Variants in KHDRBS2 observed in about 807,000 individuals in gnomAD.
KHDRBS2 encodes KH RNA binding domain containing, signal transduction associated 2, also known as KH domain-containing, RNA-binding, signal transduction-associated protein 2.
A neutral mutation model predicts 44.3 loss-of-function variants in KHDRBS2; 26 were observed. The observed-to-expected ratio is 0.59, with a 90% CI of 0.43 to 0.81. The LOEUF (loss-of-function observed/expected upper bound fraction) is 0.81. KHDRBS2 is among the 40% of genes least tolerant of loss of function. KHDRBS2 has a pLI of 0.00. For missense variants in KHDRBS2, 476 were observed against 433.1 expected, an observed-to-expected ratio of 1.10 and a Z score of -0.88; for synonymous variants, 194 against 151.1, an observed-to-expected ratio of 1.28 and a Z score of -2.08.
intron 2 of KHDRBS2, among the ~76,000 whole-genome samples, chr6:62,134,693 T>A (rs2150092814): frequency 6.6e-6 from 1 of 152,248 alleles, no homozygotes. Context: ...GAGGCAGAGC[T>A]TCCCACGACC....
intron 1 of KHDRBS2, among the ~76,000 whole-genome samples, chr6:62,203,084 T>C (rs944655763): frequency 2.0e-5 from 3 of 152,012 alleles, no homozygotes; most frequent in Admixed American, 2.0e-4. Context: ...GAAGGACCAG[T>C]GAAGTGAATC....
chr6:61,939,305 T>C (rs1358481191), intron 4 of KHDRBS2, among the ~76,000 whole-genome samples: 2 of 152,238 alleles, frequency 1.3e-5, no homozygotes, highest in African/African-American at 2.4e-5. Flanking sequence ...CAATCCACTG[T>C]AACCTGCTCT....
chr6:61,649,276 C>T, the KHDRBS2 span, among the ~76,000 whole-genome samples: 1 of 152,224 alleles, frequency 6.6e-6, no homozygotes, highest in East Asian at 1.9e-4. Flanking sequence ...TGGGATTTAG[C>T]TACTGCTAGC....
chr6:61,914,279 T>C (rs111652258), intron 4 of KHDRBS2, among the ~76,000 whole-genome samples: 80 of 152,224 alleles, frequency 5.3e-4, no homozygotes, highest in Non-Finnish European at 1.0e-3. Context: ...TTCCAAATTT[T>C]TGGTTTGTGC....
intron 4 of KHDRBS2, among the ~76,000 whole-genome samples, chr6:61,945,698 C>T (rs1813222325): frequency 6.6e-6 from 1 of 151,322 alleles, no homozygotes. Flanking sequence ...AAGCCAAAAA[C>T]ACCTTTCAAA....
chr6:62,031,515 C>G (rs1259900395), intron 3 of KHDRBS2, among the ~76,000 whole-genome samples: 1 of 152,006 alleles, frequency 6.6e-6, no homozygotes, highest in East Asian at 1.9e-4. Context: ...GAAAACAAAG[C>G]CTAAGTGTGA....
intron 8 of KHDRBS2, among the ~76,000 whole-genome samples, chr6:61,685,046 A>C (rs576246354): frequency 6.6e-6 from 1 of 151,902 alleles, no homozygotes; most frequent in South Asian, 2.1e-4. Flanking sequence ...GGAAAAAATG[A>C]ACCTGAAATT....
At chr6:61,548,808 A>T in the KHDRBS2 span, among the ~76,000 whole-genome samples, 1 of 152,130 alleles carries the variant, frequency 6.6e-6, no homozygotes, top group Non-Finnish European at 1.5e-5. Context: ...TCTTTTCTCA[A>T]AAAACACAAA....
chr6:61,691,363 C>A (rs1273347016), intron 8 of KHDRBS2, among the ~76,000 whole-genome samples: 1 of 151,918 alleles, frequency 6.6e-6, no homozygotes, highest in African/African-American at 2.4e-5. Context: ...AATGGCAACC[C>A]CTGAAATAGC....
chr6:62,045,311 G>T (rs1213628393), intron 3 of KHDRBS2, among the ~76,000 whole-genome samples: 1 of 151,956 alleles, frequency 6.6e-6, no homozygotes, highest in Non-Finnish European at 1.5e-5. Context: ...ATATAGCTAT[G>T]GTTATACATA....
intron 2 of KHDRBS2, among the ~76,000 whole-genome samples, chr6:62,168,960 G>A (rs1819251973): frequency 6.9e-6 from 1 of 144,062 alleles, no homozygotes; most frequent in Non-Finnish European, 1.5e-5. Flanking sequence ...GAAAGAAATG[G>A]TATATTCAAC....
At chr6:62,005,676 C>A (rs928839721) in intron 3 of KHDRBS2, among the ~76,000 whole-genome samples, 2 of 151,188 alleles carry the variant, frequency 1.3e-5, no homozygotes, top group Non-Finnish European at 3.0e-5. Context: ...AAACTGAAGT[C>A]TTTGGAACTT....
rs1188471190 is a variant in KHDRBS2 at position 61,993,650 on chromosome 6, CAT to C, written c.337-15440_337-15439del. ...CTCTACTCCTTCAGTCCCATAAAAT[CAT>C]ATATATATATATATATATATATTTT... On this transcript the variant is annotated intron_variant, in intron 3 of 8. Coordinates refer to ENST00000281156, the MANE Select transcript of KHDRBS2 (RefSeq NM_152688.4). Among the ~76,000 whole-genome samples, 8 of 66,386 alleles carry C rather than the reference CAT, an allele frequency of 1.2e-4. 1 individual carries two copies. The highest frequency in any genetic ancestry group is 5.5e-4 in the South Asian group (1 of 1,818). The allele number at this position is 66,386 out of a possible 152,430, so 43.6% of individuals were successfully genotyped here. A position where few individuals can be genotyped will look rare whatever the true frequency, so the allele number is the denominator to read the frequency against.
rs555626401 is a variant in KHDRBS2, at chr6:61,735,426, CAGTT to C, written c.811-2666_811-2663del. On this transcript the variant is annotated intron_variant, in intron 6 of 8. Transcript: ENST00000281156. The stretch of plus-strand genomic sequence containing the variant: ...TAAATTCACATTACTGTGAAGTCCC[CAGTT>C]AAATTTCTACAATTGTCCCAAGCAT... 9.0e-4 allele frequency among the ~76,000 whole-genome samples: 137 copies of C among 152,240 alleles called. 1 individual carries two copies. The highest frequency in any genetic ancestry group is 1.4e-3 in the Non-Finnish European group (98 of 67,998).
intron 3 of KHDRBS2, among the ~76,000 whole-genome samples, chr6:62,040,989 T>C (rs1443018997): frequency 2.0e-5 from 3 of 152,130 alleles, no homozygotes; most frequent in Non-Finnish European, 2.9e-5. Flanking sequence ...TCCAGATATA[T>C]AACCTGGCCC....
chr6:61,669,818 A>C, the KHDRBS2 span, among the ~76,000 whole-genome samples: 3 of 151,072 alleles, frequency 2.0e-5, no homozygotes, highest in Non-Finnish European at 4.5e-5. Flanking sequence ...TGTACTATGG[A>C]TTAGTTCCAT....
intron 1 of KHDRBS2, among the ~76,000 whole-genome samples, chr6:62,215,383 TAG>T (rs1829813079): frequency 6.6e-6 from 1 of 151,588 alleles, no homozygotes. Flanking sequence ...CGGAAGGAGA[TAG>T]AGACTGGTTA....
chr6:61,606,950 T>A, the KHDRBS2 span, among the ~76,000 whole-genome samples: 1 of 152,190 alleles, frequency 6.6e-6, no homozygotes, highest in African/African-American at 2.4e-5. Flanking sequence ...GATTTAAATG[T>A]GATCAAATAG....
chr6:62,095,910 G>T (rs1262511604), intron 2 of KHDRBS2, among the ~76,000 whole-genome samples: 3 of 151,842 alleles, frequency 2.0e-5, no homozygotes, highest in Non-Finnish European at 4.4e-5. Context: ...CTAACTTGTT[G>T]AAAGCGTCTA....
Sources: gnomAD v4.1 joint callset for allele counts (sites outside exome capture counted in the v4.1 genomes callset) on GRCh38, gnomAD v4.1.1 for gene constraint, MANE v1.5 for transcripts, NCBI Gene and HGNC (gene_info 2026-07-23, HGNC 2026-07-21) for gene names.